Variants in B3GNT5 observed in about 807,000 individuals in gnomAD.
B3GNT5 encodes lactosylceramide 1,3-N-acetyl-beta-D-glucosaminyltransferase.
B3GNT5 carries 11 observed loss-of-function variants against 25.9 expected under a neutral mutation model. The observed-to-expected ratio is 0.42, with a 90% CI of 0.27 to 0.70. B3GNT5 has a LOEUF of 0.70. B3GNT5 is among the 30% of genes least tolerant of loss of function. The probability of loss-of-function intolerance (pLI) is 0.23; values close to 1 mark genes in which losing one functional copy is unlikely to be tolerated. For missense variants in B3GNT5, 385 were observed against 458.4 expected, an observed-to-expected ratio of 0.84 and a Z score of 1.46; for synonymous variants, 166 against 158.6, an observed-to-expected ratio of 1.05 and a Z score of -0.35.
chr3:183,255,209 G>A (rs1576970192), intron 1 of B3GNT5, among the ~76,000 whole-genome samples: 1 of 152,186 alleles, frequency 6.6e-6, no homozygotes, highest in East Asian at 1.9e-4. Flanking sequence ...ACCCAGAAAA[G>A]GATGATTGAA....
chr3:183,258,948 G>C (rs998557490), intron 1 of B3GNT5, among the ~76,000 whole-genome samples: 2 of 152,128 alleles, frequency 1.3e-5, no homozygotes, highest in Non-Finnish European at 2.9e-5. Context: ...TAAATGCTAT[G>C]TAAACAATTG....
intron 1 of B3GNT5, among the ~76,000 whole-genome samples, chr3:183,257,082 TTAAC>T (rs1346623038): frequency 1.3e-5 from 2 of 152,200 alleles, no homozygotes; most frequent in African/African-American, 2.4e-5. Context: ...CAGCCATCCA[TTAAC>T]TAACCCATCC....
At chr3:183,268,409 C>T (rs566333579) in intron 1 of B3GNT5, among the ~76,000 whole-genome samples, 1 of 152,076 alleles carries the variant, frequency 6.6e-6, no homozygotes, top group South Asian at 2.1e-4. Flanking sequence ...AGGGGATCAT[C>T]TAGTCTGGGT....
Position 183,270,987 on chromosome 3 carries a change from A to G in B3GNT5, c.*52A>G. ...CTGTCACTGAGTCAAACCTGGATGAAAAAAACCTTTAAATGTTCGTCTATA... is the reference window on the plus strand; with the variant it reads ...CTGTCACTGAGTCAAACCTGGATGAGAAAAACCTTTAAATGTTCGTCTATA... On this transcript the variant is annotated 3_prime_UTR_variant, in exon 2 of 2. Transcript: ENST00000326505. This position sits in a 1 kb window ranked among gnomAD's most constrained non-coding sequence, Gnocchi z 4.5. 6.8e-7 allele frequency: 1 copy of G among 1,479,972 alleles called. No individual in the cohort carries two copies. Among genetic ancestry groups the G allele is most frequent in the Non-Finnish European group, 9.1e-7 (1 of 1,104,358 alleles). 91.7% of individuals were successfully genotyped at this position (1,479,972 alleles called of 1,614,324 possible).
intron 1 of B3GNT5, among the ~76,000 whole-genome samples, chr3:183,263,038 T>A (rs1466241916): frequency 4.0e-5 from 6 of 151,440 alleles, no homozygotes; most frequent in Non-Finnish European, 7.4e-5. Context: ...CTGGGCAGGG[T>A]GGGGTGGCAG....
At chr3:183,255,797 G>T (rs1423693751) in intron 1 of B3GNT5, among the ~76,000 whole-genome samples, 5 of 148,892 alleles carry the variant, frequency 3.4e-5, no homozygotes, top group Non-Finnish European at 7.4e-5. Context: ...ACATTCAAAT[G>T]GTGAGATTGT....
chr3:183,264,286 C>G (rs958597286), intron 1 of B3GNT5, among the ~76,000 whole-genome samples: 1 of 152,194 alleles, frequency 6.6e-6, no homozygotes, highest in Non-Finnish European at 1.5e-5. Context: ...AAATCCTAGT[C>G]GTCCTCAGGC....
chr3:183,272,026 TA>T lies in B3GNT5; in HGVS notation c.*1095del. ...CATTAAACATCAAAGTTATAATATC[TA>T]AAACAATTTATTTTTCATCAATAAC... On this transcript the variant is annotated 3_prime_UTR_variant, in exon 2 of 2. Coordinates refer to ENST00000326505, the MANE Select transcript of B3GNT5 (RefSeq NM_032047.5). 2 of 495,844 alleles carry T rather than the reference TA, an allele frequency of 4.0e-6. No homozygotes were observed. Among genetic ancestry groups the T allele is most frequent in the Non-Finnish European group, 5.4e-6 (2 of 369,174 alleles). The allele number at this position is 495,844 out of a possible 1,614,324, so 30.7% of individuals were successfully genotyped here.
intron 1 of B3GNT5, 32 bp from the exon 2 acceptor site, chr3:183,269,466 T>C (rs1473687265): frequency 4.2e-6 from 1 of 236,978 alleles, no homozygotes; most frequent in Non-Finnish European, 8.1e-6. Flanking sequence ...ACCCACGCGA[T>C]TGTGATTCTT....
In B3GNT5 at chr3:183,268,253, A is replaced by C. The variant is rs1726349632; in HGVS notation, c.-301-1245A>C. ...CAAACAGCTGGAGAGGCAGATCCTA[A>C]AGGGTCCTGTGGGCCAGGCTGGACT... is the stretch of plus-strand genomic sequence containing the variant. On this transcript the variant is annotated intron_variant, in intron 1 of 1. Coordinates refer to ENST00000326505, the MANE Select transcript of B3GNT5 (RefSeq NM_032047.5). 2.0e-5 allele frequency among the ~76,000 whole-genome samples: 3 copies of C among 152,308 alleles called. No individual in the cohort carries two copies. The South Asian group carries it at 6.2e-4, about 32-fold the overall frequency.
rs898798401 is a variant in B3GNT5 at position 183,271,429 on chromosome 3, C to CA, written c.*495dup. The CA allele has an allele frequency of 1.2e-5, 2 of 167,250 alleles. No homozygotes were observed. Among genetic ancestry groups the CA allele is most frequent in the Non-Finnish European group, 2.9e-5 (2 of 68,278 alleles). The allele number at this position is 167,250 out of a possible 1,614,324, so 10.4% of individuals were successfully genotyped here. A position where few individuals can be genotyped will look rare whatever the true frequency, so the allele number is the denominator to read the frequency against. ...GAGAAAGTTCATGAATCTGGTAAAA[C>CA]AGTCTCTTGTTCTTAAGAGGAGATG... On this transcript the variant is annotated 3_prime_UTR_variant, in exon 2 of 2. Transcript: ENST00000326505.
intron 1 of B3GNT5, chr3:183,265,384 AT>A: frequency 6.6e-6 from 1 of 152,402 alleles, no homozygotes; most frequent in Non-Finnish European, 1.5e-5. Flanking sequence ...CAGGCCCAGC[AT>A]TTTCTTCTAC....
At position 183,267,039 on chromosome 3, in the gene B3GNT5, G is replaced by C. The variant is rs1375634578; in HGVS notation, c.-301-2459G>C. 6.6e-6 allele frequency among the ~76,000 whole-genome samples: 1 copy of C among 152,130 alleles called. No individual in the cohort carries two copies. Among genetic ancestry groups the C allele is most frequent in the African/African-American group, 2.4e-5 (1 of 41,410 alleles). On this transcript the variant is annotated intron_variant, in intron 1 of 1. Transcript: ENST00000326505. The surrounding 1 kb of genome is among the most constrained non-coding windows in gnomAD (Gnocchi z 5.5). ...GACCTCAAGTGATCCTCCTGCCTCG[G>C]CCTCCCAAAGCGCTAGGATTACAGG...
chr3:183,267,896 T>C lies in B3GNT5; in HGVS notation c.-301-1602T>C, dbSNP rs1420577869. Among the ~76,000 whole-genome samples the C allele has an allele frequency of 6.6e-6, 1 of 152,186 alleles. No homozygotes were observed. Among genetic ancestry groups the C allele is most frequent in the Non-Finnish European group, 1.5e-5 (1 of 68,024 alleles). ...GTAAACAGTGGCTCCACCCCCGGCA[T>C]GGTTCTTTGCACCAACATTTGGGGA... is the stretch of plus-strand genomic sequence containing the variant. On this transcript the variant is annotated intron_variant, in intron 1 of 1. Transcript: ENST00000326505. The surrounding 1 kb of genome is among the most constrained non-coding windows in gnomAD (Gnocchi z 5.5).
Position 183,271,776 on chromosome 3 carries a change from TGTTTAA to T in B3GNT5, c.*846_*851del, listed in dbSNP as rs1240666428. On this transcript the variant is annotated 3_prime_UTR_variant, in exon 2 of 2. Coordinates refer to ENST00000326505, the MANE Select transcript of B3GNT5 (RefSeq NM_032047.5). The stretch of plus-strand genomic sequence containing the variant: ...TTTTTAAATATTCAATATTGGTCTG[TGTTTAA>T]GTTTGTTATTTGAATGTAATTTACA... The T allele has an allele frequency of 1.2e-5, 2 of 166,996 alleles. No individual in the cohort carries two copies. The highest frequency in any genetic ancestry group is 1.5e-5 in the Non-Finnish European group (1 of 68,100). 10.3% of individuals were successfully genotyped at this position (166,996 alleles called of 1,614,324 possible). A position where few individuals can be genotyped will look rare whatever the true frequency, so the allele number is the denominator to read the frequency against.
chr3:183,270,635 T>C lies in B3GNT5; in HGVS notation c.837T>C (p.Leu279=). Residue 279 remains leucine (L), a synonymous_variant, in exon 2 of 2, where the codon CTT becomes CTC. Transcript: ENST00000326505. The surrounding 1 kb of genome is among the most constrained non-coding windows in gnomAD (Gnocchi z 4.5). ...CATCACAGACACTAAATTCAAGTCT[T>C]TACATAGACGATGTGTTCATGGGCC... is the stretch of plus-strand genomic sequence containing the variant. ...YEASQTLNSS[L]YIDDVFMGLC... 1.2e-6 allele frequency: 2 copies of C among 1,614,162 alleles called. No homozygotes were observed. The highest frequency in any genetic ancestry group is 1.7e-6 in the Non-Finnish European group (2 of 1,180,034).
Position 183,270,343 on chromosome 3 carries a change from A to G in B3GNT5, c.545A>G (p.Tyr182Cys), listed in dbSNP as rs747782074. Residue 182 changes from tyrosine to cysteine, a missense_variant, in exon 2 of 2, where the codon TAT (tyrosine) becomes TGT (cysteine). Transcript: ENST00000326505. This position sits in a 1 kb window ranked among gnomAD's most constrained non-coding sequence, Gnocchi z 4.5. ...ATGCAGTTCAGTTGGGCAAATACCT[A>G]TTGTCCACATGCCAAATTTCTTATG... ...LLMQFSWANT[Y>C]CPHAKFLMTA... 37 of 1,614,022 alleles carry G rather than the reference A, an allele frequency of 2.3e-5. No individual in the cohort carries two copies. The highest frequency in any genetic ancestry group is 3.1e-5 in the Non-Finnish European group (36 of 1,179,986).
At chr3:183,260,046 G>C (rs1021613093) in intron 1 of B3GNT5, among the ~76,000 whole-genome samples, 2 of 152,066 alleles carry the variant, frequency 1.3e-5, no homozygotes, top group Admixed American at 1.3e-4. Flanking sequence ...AGAACTGCAG[G>C]AACACCTGTG....
Position 183,271,059 on chromosome 3 carries a change from C to A in B3GNT5, c.*124C>A. The A allele has an allele frequency of 1.1e-6, 1 of 874,942 alleles. No homozygotes were observed. Among genetic ancestry groups the A allele is most frequent in the Non-Finnish European group, 1.7e-6 (1 of 598,096 alleles). 54.2% of individuals were successfully genotyped at this position (874,942 alleles called of 1,614,324 possible). On this transcript the variant is annotated 3_prime_UTR_variant, in exon 2 of 2. Coordinates refer to ENST00000326505, the MANE Select transcript of B3GNT5 (RefSeq NM_032047.5). ...AAGACAAATATTTTGAAAGCCTAGT[C>A]CATCAGAATGTTTCTTTGATTCTAG...
Sources: allele counts gnomAD v4.1 joint callset (sites outside exome capture counted in the v4.1 genomes callset), GRCh38; gene constraint gnomAD v4.1.1; non-coding constraint Gnocchi (gnomAD v3.1); transcripts MANE v1.5; gene names NCBI Gene and HGNC (gene_info 2026-07-23, HGNC 2026-07-21).